RETREG1: variants seen among roughly 807,000 people sequenced by gnomAD.
The protein encoded by RETREG1 is reticulophagy regulator 1.
A neutral mutation model predicts 54.8 loss-of-function variants in RETREG1; 44 were observed. That is an observed-to-expected ratio of 0.80 (90% CI 0.63 to 1.03). The LOEUF (loss-of-function observed/expected upper bound fraction) is 1.03. Among genes scored for constraint, RETREG1 ranks in the 50% least tolerant of loss-of-function variants. RETREG1 has a pLI of 0.00. For synonymous variants in RETREG1, 217 were observed against 238.5 expected (o/e 0.91, Z 0.83); for missense variants, 554 against 605.1 (o/e 0.92, Z 0.89).
At chr5:16,591,662 G>T (rs1057148652) in intron 1 of RETREG1, among the ~76,000 whole-genome samples, 1 of 152,174 alleles carries the variant, frequency 6.6e-6, no homozygotes, top group African/African-American at 2.4e-5. Flanking sequence ...GTACACAGGG[G>T]TGCAAACAAC....
At chr5:16,514,525 G>T (rs1436539985) in intron 3 of RETREG1, among the ~76,000 whole-genome samples, 4 of 152,092 alleles carry the variant, frequency 2.6e-5, no homozygotes, top group Non-Finnish European at 4.4e-5. Flanking sequence ...ATTTTGAAAT[G>T]TTTTAGCTTA....
At chr5:16,550,232 T>C (rs1459074596) in intron 3 of RETREG1, among the ~76,000 whole-genome samples, 3 of 151,730 alleles carry the variant, frequency 2.0e-5, no homozygotes, top group African/African-American at 7.3e-5. Context: ...TAAATAATAA[T>C]GTCGACTTCC....
intron 1 of RETREG1, among the ~76,000 whole-genome samples, chr5:16,615,387 G>A (rs1743471366): frequency 1.6e-5 from 2 of 125,596 alleles, no homozygotes; most frequent in Admixed American, 1.9e-4. Context: ...GCGACAGAGT[G>A]AGACTCCATC....
At chr5:16,523,684 T>C (rs1022128762) in intron 3 of RETREG1, among the ~76,000 whole-genome samples, 1 of 151,582 alleles carries the variant, frequency 6.6e-6, no homozygotes, top group Non-Finnish European at 1.5e-5. Flanking sequence ...AGGGAGGGAG[T>C]GTGGCACAAG....
chr5:16,493,743 T>C (rs1458136799), intron 3 of RETREG1, among the ~76,000 whole-genome samples: 1 of 152,028 alleles, frequency 6.6e-6, no homozygotes, highest in African/African-American at 2.4e-5. Flanking sequence ...TACTAAAAAA[T>C]ATGTTTCCTA....
At chr5:16,596,424 T>G (rs1742894930) in intron 1 of RETREG1, among the ~76,000 whole-genome samples, 1 of 152,180 alleles carries the variant, frequency 6.6e-6, no homozygotes, top group South Asian at 2.1e-4. Context: ...CCAGAGTGGC[T>G]TTTTGGAAGC....
rs115657020 is a variant in RETREG1, at chr5:16,539,012, G to C, written c.458+26751C>G. On this transcript the variant is annotated intron_variant, in intron 3 of 8. Coordinates refer to ENST00000306320, the MANE Select transcript of RETREG1 (RefSeq NM_001034850.3). ...TTATTCAAAATAAAACTGAGGCTAG[G>C]CTGTCGGAATCTGTTAGACTCACTC... Among the ~76,000 whole-genome samples the C allele has an allele frequency of 6.9e-3, 1,051 of 152,310 alleles. 6 individuals are homozygous for C. The highest frequency in any genetic ancestry group is 0.024 in the African/African-American group (981 of 41,572).
At chr5:16,545,970 C>T (rs767789670) in intron 3 of RETREG1, among the ~76,000 whole-genome samples, 7 of 152,210 alleles carry the variant, frequency 4.6e-5, no homozygotes, top group Non-Finnish European at 8.8e-5. Context: ...TGCTGGGTTA[C>T]AAGAGGCAGC....
intron 3 of RETREG1, among the ~76,000 whole-genome samples, chr5:16,505,513 G>A (rs942480457): frequency 6.6e-6 from 1 of 152,162 alleles, no homozygotes; most frequent in Non-Finnish European, 1.5e-5. Context: ...CATTGGGAGC[G>A]CCATAAAGCC....
intron 3 of RETREG1, among the ~76,000 whole-genome samples, chr5:16,550,640 C>G (rs562615055): frequency 5.3e-5 from 8 of 152,180 alleles, no homozygotes; most frequent in East Asian, 3.8e-4. Context: ...ACAGAGTCAG[C>G]TCTCACTATT....
In RETREG1 at chr5:16,551,319, G is replaced by A. The variant is rs190205188; in HGVS notation, c.458+14444C>T. Among the ~76,000 whole-genome samples, 3 of 152,108 alleles carry A rather than the reference G, an allele frequency of 2.0e-5. No homozygotes were observed. The East Asian group carries it at 5.8e-4, about 29-fold the overall frequency. On this transcript the variant is annotated intron_variant, in intron 3 of 8. Coordinates refer to ENST00000306320, the MANE Select transcript of RETREG1 (RefSeq NM_001034850.3). ...TATAAACAAAAAAACATGGAGAACT[G>A]TTGATAAAGGCCTCCAAAAACATTT...
At chr5:16,533,323 G>A (rs1310949945) in intron 3 of RETREG1, among the ~76,000 whole-genome samples, 1 of 152,150 alleles carries the variant, frequency 6.6e-6, no homozygotes, top group Non-Finnish European at 1.5e-5. Context: ...GATTACAGGC[G>A]TGAGCCACCA....
chr5:16,491,585 A>G (rs536836429), intron 3 of RETREG1, among the ~76,000 whole-genome samples: 1 of 152,140 alleles, frequency 6.6e-6, no homozygotes, highest in Admixed American at 6.5e-5. Context: ...ATTAGCATGC[A>G]TTCCCTCATA....
At chr5:16,540,716 A>G (rs955680340) in intron 3 of RETREG1, among the ~76,000 whole-genome samples, 1 of 152,232 alleles carries the variant, frequency 6.6e-6, no homozygotes, top group Admixed American at 6.5e-5. Context: ...AGAACCAAAC[A>G]GGAAACAACA....
At chr5:16,513,143 G>A (rs1006185662) in intron 3 of RETREG1, among the ~76,000 whole-genome samples, 5 of 152,158 alleles carry the variant, frequency 3.3e-5, no homozygotes, top group Admixed American at 1.3e-4. Flanking sequence ...GTGTCTGACT[G>A]GGTCAAATTA....
At chr5:16,574,028 C>T (rs963612210) in intron 1 of RETREG1, among the ~76,000 whole-genome samples, 1 of 151,978 alleles carries the variant, frequency 6.6e-6, no homozygotes, top group African/African-American at 2.4e-5. Flanking sequence ...ATTACAGGCA[C>T]AAGCCACAAC....
At chr5:16,577,384 A>G (rs1164206699) in intron 1 of RETREG1, among the ~76,000 whole-genome samples, 2 of 150,446 alleles carry the variant, frequency 1.3e-5, no homozygotes, top group Admixed American at 1.3e-4. Context: ...TGGTGGCTAC[A>G]CTTGCACTAT....
At chr5:16,547,320 G>A (rs1358739202) in intron 3 of RETREG1, among the ~76,000 whole-genome samples, 1 of 152,260 alleles carries the variant, frequency 6.6e-6, no homozygotes, top group African/African-American at 2.4e-5. Flanking sequence ...TCAGAGTCAG[G>A]CCCAAGATAA....
At chr5:16,555,416 T>C (rs778413516) in intron 3 of RETREG1, among the ~76,000 whole-genome samples, 11 of 152,164 alleles carry the variant, frequency 7.2e-5, no homozygotes, top group Non-Finnish European at 1.2e-4. Context: ...CCTCCCAAAG[T>C]GCTGGGGATA....
Sources: gnomAD v4.1 joint callset for allele counts (sites outside exome capture counted in the v4.1 genomes callset) on GRCh38, gnomAD v4.1.1 for gene constraint, MANE v1.5 for transcripts, NCBI Gene and HGNC (gene_info 2026-07-23, HGNC 2026-07-21) for gene names.